EXOC4: variants seen among roughly 807,000 people sequenced by gnomAD.
EXOC4 encodes SEC8-like 1.
Under a neutral mutation model 107.2 loss-of-function variants are expected in EXOC4, and 71 were observed. The ratio of observed to expected loss-of-function variants is 0.66; its 90% CI spans 0.55 to 0.81. The LOEUF is 0.81. Among genes scored for constraint, EXOC4 ranks in the 30% least tolerant of loss-of-function variants. The pLI is 0.00. For missense variants in EXOC4, 1,108 were observed against 1,189.6 expected (o/e 0.93, Z 1.01); for synonymous variants, 456 against 441.2 (o/e 1.03, Z -0.42).
chr7:133,305,045 A>G (rs543853347), intron 3 of EXOC4, among the ~76,000 whole-genome samples: 5 of 151,850 alleles, frequency 3.3e-5, no homozygotes, highest in African/African-American at 1.2e-4. Flanking sequence ...ACATGAATAA[A>G]TGGGATCATA....
At chr7:133,793,578 C>A (rs1236091763) in intron 10 of EXOC4, among the ~76,000 whole-genome samples, 1 of 152,204 alleles carries the variant, frequency 6.6e-6, no homozygotes, top group Non-Finnish European at 1.5e-5. Flanking sequence ...GGTGCGGTGG[C>A]TCACACCTGT....
At chr7:133,737,497 T>C (rs1010304696) in intron 10 of EXOC4, among the ~76,000 whole-genome samples, 3 of 152,096 alleles carry the variant, frequency 2.0e-5, no homozygotes, top group African/African-American at 7.2e-5. Context: ...AATTTTTGCC[T>C]TGTTCTAGGC....
chr7:134,091,923 T>C, the EXOC4 span, among the ~76,000 whole-genome samples: 1 of 152,208 alleles, frequency 6.6e-6, no homozygotes, highest in Non-Finnish European at 1.5e-5. Context: ...TTTTGTTTCC[T>C]TCAGCTGTAT....
At chr7:133,588,199 C>G (rs1438024294) in intron 9 of EXOC4, among the ~76,000 whole-genome samples, 2 of 152,172 alleles carry the variant, frequency 1.3e-5, no homozygotes, top group Non-Finnish European at 2.9e-5. Context: ...ATAGACCAAT[C>G]ATTAGGAACT....
chr7:133,297,986 G>A (rs1410442354), intron 3 of EXOC4, among the ~76,000 whole-genome samples: 1 of 152,124 alleles, frequency 6.6e-6, no homozygotes, highest in Non-Finnish European at 1.5e-5. Context: ...GTCAGTCTGT[G>A]GCCAGATGGG....
At chr7:134,080,867 G>A in the EXOC4 span, among the ~76,000 whole-genome samples, 1 of 152,018 alleles carries the variant, frequency 6.6e-6, no homozygotes, top group Non-Finnish European at 1.5e-5. Context: ...GACTGCTTGA[G>A]CCCAGAAGTT....
intron 5 of EXOC4, among the ~76,000 whole-genome samples, chr7:133,319,682 T>C (rs1584807541): frequency 6.6e-6 from 1 of 152,140 alleles, no homozygotes; most frequent in South Asian, 2.1e-4. Context: ...GGTTTCACTA[T>C]GTCAGCTGGG....
At chr7:133,757,882 T>G (rs189798830) in intron 10 of EXOC4, among the ~76,000 whole-genome samples, 2 of 152,344 alleles carry the variant, frequency 1.3e-5, no homozygotes, top group Admixed American at 6.5e-5. Flanking sequence ...TTAAAATTTT[T>G]AACACAATTT....
chr7:133,375,280 A>G (rs547257709), intron 7 of EXOC4, among the ~76,000 whole-genome samples: 7 of 152,318 alleles, frequency 4.6e-5, no homozygotes, highest in Admixed American at 3.3e-4. Context: ...GTCTGAGACC[A>G]GTCTGGCCAA....
chr7:133,381,971 G>A (rs944905866), intron 7 of EXOC4, among the ~76,000 whole-genome samples: 6 of 152,100 alleles, frequency 3.9e-5, no homozygotes, highest in Admixed American at 3.9e-4. Context: ...GAACTCTGGG[G>A]GCGGGACCTT....
chr7:133,503,991 GTATA>G (rs112703166), intron 9 of EXOC4, among the ~76,000 whole-genome samples: 6 of 150,716 alleles, frequency 4.0e-5, no homozygotes, highest in African/African-American at 1.5e-4. Flanking sequence ...GTATATGTGT[GTATA>G]TATATATATG....
intron 5 of EXOC4, among the ~76,000 whole-genome samples, chr7:133,345,698 C>T (rs553059961): frequency 9.2e-5 from 14 of 152,268 alleles, no homozygotes; most frequent in Admixed American, 2.0e-4. Context: ...ACCATCATTT[C>T]CCTCTTGGCC....
At chr7:133,819,292 T>G (rs1797452109) in intron 11 of EXOC4, among the ~76,000 whole-genome samples, 1 of 145,330 alleles carries the variant, frequency 6.9e-6, no homozygotes, top group African/African-American at 2.5e-5. Flanking sequence ...TTTTTTTTTG[T>G]CAAGATCCCA....
At chr7:133,583,834 A>T (rs1253408837) in intron 9 of EXOC4, among the ~76,000 whole-genome samples, 1 of 152,180 alleles carries the variant, frequency 6.6e-6, no homozygotes, top group African/African-American at 2.4e-5. Flanking sequence ...GATTTTAAGC[A>T]GAGGATTGGT....
intron 1 of EXOC4, among the ~76,000 whole-genome samples, chr7:133,255,271 G>T (rs1380805417): frequency 1.3e-5 from 2 of 151,944 alleles, no homozygotes; most frequent in African/African-American, 4.8e-5. Flanking sequence ...CCGCCTCCCA[G>T]GTTCAAGTGA....
chr7:133,836,395 G>T lies in EXOC4; in HGVS notation c.1734+18851G>T, dbSNP rs1797919347. The stretch of plus-strand genomic sequence containing the variant: ...TAGCAGATCCAATAGTAGAATCTAG[G>T]CCCTTCTCCTTCTGGCCAATTCTAT... On this transcript the variant is annotated intron_variant, in intron 11 of 17. Transcript: ENST00000253861. Among the ~76,000 whole-genome samples, 7 of 152,088 alleles carry T rather than the reference G, an allele frequency of 4.6e-5. No homozygotes were observed. The South Asian group carries it at 1.0e-3, about 23-fold the overall frequency.
At chr7:133,612,125 T>C (rs1471425989) in intron 9 of EXOC4, among the ~76,000 whole-genome samples, 1 of 152,146 alleles carries the variant, frequency 6.6e-6, no homozygotes, top group Non-Finnish European at 1.5e-5. Context: ...ACTTAGGATA[T>C]ATTATTAGGA....
intron 15 of EXOC4, 75 bp from the exon 16 acceptor site, chr7:134,004,837 T>A: frequency 8.2e-7 from 1 of 1,214,832 alleles, no homozygotes. Context: ...GTTATTTTGG[T>A]GCTCTGTCCC....
chr7:133,266,359 C>T (rs1302708395), intron 1 of EXOC4, among the ~76,000 whole-genome samples: 2 of 152,138 alleles, frequency 1.3e-5, no homozygotes, highest in Non-Finnish European at 2.9e-5. Flanking sequence ...AGAGATTCAA[C>T]ATTTGAATTT....
Sources: allele counts gnomAD v4.1 joint callset (sites outside exome capture counted in the v4.1 genomes callset), GRCh38; gene constraint gnomAD v4.1.1; transcripts MANE v1.5; gene names NCBI Gene and HGNC (gene_info 2026-07-23, HGNC 2026-07-21).